The following DMD variants were observed in gnomAD, a reference collection of about 807,000 sequenced individuals.
DMD encodes the protein mutant dystrophin.
Under a neutral mutation model 330.1 loss-of-function variants are expected in DMD, and 63 were observed. The observed-to-expected ratio is 0.19, with a 90% CI of 0.16 to 0.24. The LOEUF (loss-of-function observed/expected upper bound fraction) is 0.24. Among genes scored for constraint, DMD ranks in the 10% least tolerant of loss-of-function variants. The pLI is 1.00. For synonymous variants in DMD, 1,223 were observed against 959.8 expected (o/e 1.27, Z -5.07); for missense variants, 3,344 against 2,684.1 (o/e 1.25, Z -5.43).
At chrX:31,434,416 GCGCACACACACA>G (rs2064329308) in intron 60 of DMD, among the ~76,000 whole-genome samples, 3 of 66,384 alleles carry the variant, frequency 4.5e-5, no homozygotes, top group African/African-American at 2.2e-4. Flanking sequence ...TGCAGCGCGC[GCGCACACACACA>G]CACACACACA....
intron 44 of DMD, among the ~76,000 whole-genome samples, chrX:32,150,869 G>A (rs1424350867): frequency 9.0e-6 from 1 of 111,362 alleles, no homozygotes; most frequent in Non-Finnish European, 1.9e-5. Context: ...AAAGGCTAGG[G>A]AAAGAGAGCT....
chrX:32,820,656 G>A (rs757314671), intron 5 of DMD, among the ~76,000 whole-genome samples: 1 of 111,188 alleles, frequency 9.0e-6, no homozygotes, highest in Non-Finnish European at 1.9e-5. Flanking sequence ...GCATGCTTGA[G>A]TTCTTCTGCT....
intron 32 of DMD, among the ~76,000 whole-genome samples, chrX:32,386,952 T>C (rs747801910): frequency 3.2e-4 from 35 of 110,588 alleles, no homozygotes; most frequent in Non-Finnish European, 5.1e-4. Context: ...ACTATTGTTC[T>C]CATGGTACTT....
At chrX:31,866,106 C>T (rs1399800785) in intron 48 of DMD, among the ~76,000 whole-genome samples, 1 of 111,504 alleles carries the variant, frequency 9.0e-6, no homozygotes, top group African/African-American at 3.3e-5. Flanking sequence ...TCTCCCTTCC[C>T]ATCACCACCA....
chrX:33,168,729 C>A (rs1390165750), intron 1 of DMD, among the ~76,000 whole-genome samples: 1 of 109,879 alleles, frequency 9.1e-6, no homozygotes, highest in East Asian at 2.8e-4. Flanking sequence ...ATTGATGATG[C>A]CTTGAGTGTG....
At chrX:33,220,726 A>G (rs2052158335) in intron 1 of DMD, among the ~76,000 whole-genome samples, 1 of 111,678 alleles carries the variant, frequency 9.0e-6, no homozygotes, top group Admixed American at 9.6e-5. Flanking sequence ...TGTGTATTAT[A>G]TGCTCCCTCA....
intron 62 of DMD, among the ~76,000 whole-genome samples, chrX:31,289,010 C>T (rs1014755991): frequency 1.0e-4 from 11 of 109,335 alleles, no homozygotes; most frequent in African/African-American, 2.3e-4. Flanking sequence ...CTAGGTGTGG[C>T]GGCTCACATC....
At chrX:31,548,029 T>A (rs920753581) in intron 55 of DMD, among the ~76,000 whole-genome samples, 1 of 111,986 alleles carries the variant, frequency 8.9e-6, no homozygotes, top group African/African-American at 3.2e-5. Flanking sequence ...ACACTCATAC[T>A]TTTCAGGTGA....
chrX:31,175,123 T>C (rs1306370491), intron 71 of DMD, among the ~76,000 whole-genome samples: 1 of 112,002 alleles, frequency 8.9e-6, no homozygotes, highest in East Asian at 2.8e-4. Flanking sequence ...CAGATCAAGA[T>C]AAATTAATAC....
intron 1 of DMD, among the ~76,000 whole-genome samples, chrX:33,020,676 A>G (rs1020665631): frequency 9.0e-6 from 1 of 111,543 alleles, no homozygotes; most frequent in Non-Finnish European, 1.9e-5. Flanking sequence ...CCCGCCTCAG[A>G]TTTGTAATAT....
chrX:32,349,448 T>A (rs1158318312), intron 37 of DMD, among the ~76,000 whole-genome samples: 1 of 111,322 alleles, frequency 9.0e-6, no homozygotes, highest in Non-Finnish European at 1.9e-5. Context: ...TGATTTTCTT[T>A]CAGAGCTAAA....
At chrX:33,088,612 G>A (rs763488374) in intron 1 of DMD, among the ~76,000 whole-genome samples, 157 of 110,999 alleles carry the variant, frequency 1.4e-3, no homozygotes, top group Non-Finnish European at 1.8e-3. Flanking sequence ...GTAAACCCGG[G>A]AGGCGGAGCT....
intron 60 of DMD, among the ~76,000 whole-genome samples, chrX:31,422,043 AT>A (rs369198579): frequency 6.6e-4 from 19 of 28,754 alleles, no homozygotes; most frequent in East Asian, 1.3e-3. Context: ...ATATATATAT[AT>A]TTTTTTTTTT....
At chrX:31,592,064 G>A (rs1497442) in intron 55 of DMD, among the ~76,000 whole-genome samples, 7,740 of 109,321 alleles carry the variant, frequency 0.071, 332 homozygotes, top group Admixed American at 0.17. Flanking sequence ...TTCTCTTATT[G>A]AATTTCTCCT....
At chrX:31,788,352 G>C (rs990897342) in intron 50 of DMD, among the ~76,000 whole-genome samples, 2 of 112,125 alleles carry the variant, frequency 1.8e-5, no homozygotes, top group Admixed American at 1.9e-4. Context: ...TCAGGGCTAA[G>C]ATAATTCCTT....
Position 33,211,499 on chromosome X carries a change from A to AG in DMD, c.-188dup. 2.7e-6 allele frequency: 3 copies of AG among 1,096,854 alleles called. No individual in the cohort carries two copies. The highest frequency in any genetic ancestry group is 3.6e-6 in the Non-Finnish European group (3 of 839,174). 90.4% of individuals were successfully genotyped at this position (1,096,854 alleles called of 1,213,427 possible). A position where few individuals can be genotyped will look rare whatever the true frequency, so the allele number is the denominator to read the frequency against. ...ATTGCCTCCCAGATCTGAGTCCTGTAGGGGGAAAGTGAGTGATCCCAACAC... is the reference window on the plus strand; with the variant it reads ...ATTGCCTCCCAGATCTGAGTCCTGTAGGGGGGAAAGTGAGTGATCCCAACAC... On this transcript the variant is annotated 5_prime_UTR_variant, in exon 1 of 79. Coordinates refer to ENST00000357033, the MANE Select transcript of DMD (RefSeq NM_004006.3).
intron 15 of DMD, among the ~76,000 whole-genome samples, chrX:32,567,271 A>C (rs1050970651): frequency 1.8e-5 from 2 of 112,612 alleles, no homozygotes; most frequent in African/African-American, 3.2e-5. Flanking sequence ...ATTTTTCCTT[A>C]ACAATAAGTT....
rs751150633 is a variant in DMD, at chrX:32,491,308, G to A, written c.2591C>T (p.Thr864Ile). 8.3e-7 allele frequency: 1 copy of A among 1,211,575 alleles called. No individual in the cohort carries two copies. Among genetic ancestry groups the A allele is most frequent in the Non-Finnish European group, 1.1e-6 (1 of 895,347 alleles). The change falls in exon 20 of 79, where the codon ACA becomes ATA. Residue 864 changes from threonine (T) to isoleucine (I), a missense_variant. Thr to Ile is a moderately conservative substitution (Grantham distance 89). Coordinates refer to ENST00000357033, the MANE Select transcript of DMD (RefSeq NM_004006.3). The stretch of plus-strand genomic sequence containing the variant: ...AATTTTTAACTGACTTTTAATTGCT[G>A]TTGGCTCTGATGGGGTGGTGGGTTG... ...KIQPTTPSEP[T>I]AIKSQLKICK...
intron 2 of DMD, among the ~76,000 whole-genome samples, chrX:32,885,592 G>C (rs924491780): frequency 9.0e-6 from 1 of 111,000 alleles, no homozygotes; most frequent in African/African-American, 3.3e-5. Flanking sequence ...AAGCTATAAC[G>C]ATTAGCCTGC....
Sources: gnomAD v4.1 joint callset for allele counts (sites outside exome capture counted in the v4.1 genomes callset) on GRCh38, gnomAD v4.1.1 for gene constraint, MANE v1.5 for transcripts, NCBI Gene and HGNC (gene_info 2026-07-23, HGNC 2026-07-21) for gene names.